Variants in SLC39A11 observed in about 807,000 individuals in gnomAD.
The protein encoded by SLC39A11 is solute carrier family 39 member 11, also known as zinc transporter ZIP11.
In SLC39A11, 33 loss-of-function variants were observed where a neutral mutation model predicts 36.1. The ratio of observed to expected loss-of-function variants is 0.91; its 90% CI spans 0.69 to 1.22. The LOEUF (loss-of-function observed/expected upper bound fraction) is 1.22. Among genes scored for constraint, SLC39A11 ranks in the 50% most tolerant of loss-of-function variants. The pLI is 0.00. For synonymous variants in SLC39A11, 166 were observed against 170.3 expected (o/e 0.97, Z 0.20); for missense variants, 432 against 430.3 (o/e 1.00, Z -0.03).
intron 5 of SLC39A11, among the ~76,000 whole-genome samples, chr17:72,861,688 T>TATATATATATATATATATATA (rs1169877556): frequency 2.3e-5 from 2 of 88,800 alleles, no homozygotes; most frequent in African/African-American, 8.9e-5. Flanking sequence ...TATATATATA[T>TATATATATATATATATATATA]AAAATATATA....
At position 73,070,558 on chromosome 17, in the gene SLC39A11, C is replaced by T. The variant is rs138964856; in HGVS notation, c.147+14250G>A. 1.7e-3 allele frequency among the ~76,000 whole-genome samples: 258 copies of T among 152,246 alleles called. 1 individual carries two copies. The highest frequency in any genetic ancestry group is 6.0e-3 in the African/African-American group (249 of 41,536). ...GCTCATCCTTCATTAAACCATGATC[C>T]CGATTAGAACAGGGGTTCCCGGCTT... On this transcript the variant is annotated intron_variant, in intron 3 of 9. Transcript: ENST00000255559.
intron 4 of SLC39A11, among the ~76,000 whole-genome samples, chr17:72,995,433 T>C (rs2089447089): frequency 6.6e-6 from 1 of 152,218 alleles, no homozygotes; most frequent in Non-Finnish European, 1.5e-5. Flanking sequence ...ACATGTCAAC[T>C]TGACTGGACT....
At chr17:72,925,001 C>CAA (rs933053304) in intron 5 of SLC39A11, among the ~76,000 whole-genome samples, 1,824 of 68,818 alleles carry the variant, frequency 0.027, 74 homozygotes, top group African/African-American at 0.072. Flanking sequence ...GACTCCATTT[C>CAA]AAAAAAAAAA....
chr17:72,751,320 A>G (rs765650502), intron 6 of SLC39A11, among the ~76,000 whole-genome samples: 1 of 152,200 alleles, frequency 6.6e-6, no homozygotes, highest in Non-Finnish European at 1.5e-5. Context: ...ATATGAAGGT[A>G]AGGAAAAACA....
At chr17:73,030,495 A>C (rs549023857) in intron 4 of SLC39A11, among the ~76,000 whole-genome samples, 3 of 152,308 alleles carry the variant, frequency 2.0e-5, no homozygotes, top group South Asian at 4.1e-4. Flanking sequence ...AGAGAACTTC[A>C]ACCTACCTAC....
At chr17:72,929,384 A>G (rs1225143375) in intron 5 of SLC39A11, among the ~76,000 whole-genome samples, 23 of 152,132 alleles carry the variant, frequency 1.5e-4, no homozygotes, top group Admixed American at 1.5e-3. Context: ...CAATAACCCA[A>G]TAGTGTGTGG....
At chr17:72,729,424 TATATATATATATATATATATATATATATA>T (rs1567994425) in intron 7 of SLC39A11, among the ~76,000 whole-genome samples, 28 of 2,256 alleles carry the variant, frequency 0.012, 3 homozygotes, top group African/African-American at 0.037. Context: ...TATATATATA[TATATATATATATATATATATATATATATA>T]TATATTTTTT....
chr17:72,722,506 G>C (rs2073729790), intron 7 of SLC39A11, among the ~76,000 whole-genome samples: 1 of 152,086 alleles, frequency 6.6e-6, no homozygotes, highest in Non-Finnish European at 1.5e-5. Flanking sequence ...ATTTGAACTG[G>C]GGTGGGGTGG....
chr17:72,925,592 C>T (rs8067883), intron 5 of SLC39A11, among the ~76,000 whole-genome samples: 19,043 of 152,128 alleles, frequency 0.13, 2,315 homozygotes, highest in African/African-American at 0.32. Context: ...ATGTCTCCCT[C>T]CCCTTAGTAG....
intron 4 of SLC39A11, among the ~76,000 whole-genome samples, chr17:73,014,822 G>A (rs1044282212): frequency 6.6e-5 from 10 of 152,090 alleles, no homozygotes; most frequent in Admixed American, 4.6e-4. Flanking sequence ...GCCCCTGGCC[G>A]GCCTGCAGCA....
chr17:72,928,305 A>T (rs1169777859), intron 5 of SLC39A11, among the ~76,000 whole-genome samples: 1 of 152,222 alleles, frequency 6.6e-6, no homozygotes, highest in Non-Finnish European at 1.5e-5. Context: ...TGAACAAATG[A>T]ACTAATGAAA....
At chr17:72,870,868 G>A (rs1044442397) in intron 5 of SLC39A11, among the ~76,000 whole-genome samples, 1 of 152,184 alleles carries the variant, frequency 6.6e-6, no homozygotes, top group African/African-American at 2.4e-5. Flanking sequence ...AGGTGGAGAG[G>A]TATGATACTG....
chr17:72,882,493 T>C (rs2081244851), intron 5 of SLC39A11, among the ~76,000 whole-genome samples: 1 of 152,104 alleles, frequency 6.6e-6, no homozygotes, highest in African/African-American at 2.4e-5. Context: ...TTTTCTGAAC[T>C]CAGCAACTAT....
intron 5 of SLC39A11, among the ~76,000 whole-genome samples, chr17:72,900,130 GAA>G (rs1184808537): frequency 1.1e-5 from 1 of 91,272 alleles, no homozygotes; most frequent in Admixed American, 1.1e-4. Context: ...AGAAAAGAAA[GAA>G]AGAAAGAAAA....
intron 6 of SLC39A11, among the ~76,000 whole-genome samples, chr17:72,842,609 G>A (rs925169907): frequency 1.3e-5 from 2 of 152,164 alleles, no homozygotes; most frequent in Non-Finnish European, 2.9e-5. Context: ...CCTTCAATCT[G>A]TATGATACTG....
At chr17:73,047,280 T>C (rs974151721) in intron 3 of SLC39A11, among the ~76,000 whole-genome samples, 3 of 151,928 alleles carry the variant, frequency 2.0e-5, no homozygotes, top group African/African-American at 7.2e-5. Context: ...CGCCTCGGCC[T>C]CCCAAAGTGC....
chr17:72,997,077 C>G (rs2089562041), intron 4 of SLC39A11, among the ~76,000 whole-genome samples: 1 of 152,142 alleles, frequency 6.6e-6, no homozygotes, highest in South Asian at 2.1e-4. Flanking sequence ...TGAGAAAGCT[C>G]TATTATCAAT....
At chr17:72,648,997 G>T in intron 8 of SLC39A11, 36 bp from the exon 9 acceptor site, 1 of 1,593,316 alleles carries the variant, frequency 6.3e-7, no homozygotes, top group Non-Finnish European at 8.5e-7. Context: ...CACCGCAGGG[G>T]GAGGCAAGCA....
intron 6 of SLC39A11, among the ~76,000 whole-genome samples, chr17:72,836,489 C>T (rs983469149): frequency 2.0e-5 from 3 of 151,984 alleles, no homozygotes; most frequent in Non-Finnish European, 4.4e-5. Flanking sequence ...TGCAATCACG[C>T]GCCACCATAC....
Sources: gnomAD v4.1 joint callset for allele counts (sites outside exome capture counted in the v4.1 genomes callset) on GRCh38, gnomAD v4.1.1 for gene constraint, MANE v1.5 for transcripts, NCBI Gene and HGNC (gene_info 2026-07-23, HGNC 2026-07-21) for gene names.